Variants in TNN observed in about 807,000 individuals in gnomAD.
The protein encoded by TNN is tenascin N.
TNN carries 122 observed loss-of-function variants against 134.4 expected under a neutral mutation model. The observed-to-expected ratio is 0.91, with a 90% CI of 0.78 to 1.06. TNN has a LOEUF of 1.06. TNN is among the 50% of genes least tolerant of loss of function. The probability of loss-of-function intolerance (pLI) is 0.00; values close to 1 mark genes in which losing one functional copy is unlikely to be tolerated. For synonymous variants in TNN, 710 were observed against 670.3 expected, an observed-to-expected ratio of 1.06 and a Z score of -0.91; for missense variants, 1,739 against 1,699.4, an observed-to-expected ratio of 1.02 and a Z score of -0.41.
At chr1:175,118,977 C>CA (rs1224137390) in intron 11 of TNN, among the ~76,000 whole-genome samples, 153 bp downstream of exon 11, 2 of 152,052 alleles carry the variant, frequency 1.3e-5, no homozygotes, top group Non-Finnish European at 2.9e-5. Flanking sequence ...AAAACAAAAA[C>CA]AAAAAACAAA....
At chr1:175,080,814 C>G (rs11586922) in intron 4 of TNN, among the ~76,000 whole-genome samples, 83,352 of 151,918 alleles carry the variant, frequency 0.55, 23,443 homozygotes, top group African/African-American at 0.69. Flanking sequence ...GATTCATCTT[C>G]GTGGGAAAGA....
In TNN at chr1:175,128,074, G is replaced by A; in HGVS notation, c.3088G>A (p.Gly1030Ser). ...GGAAGACCAGAGGTTTGCGTTGCAA[G>A]GCCTTGAGCAAGGCGCCACCTACCC... ...GREDQRFALQ[G>S]LEQGATYPVS... The change falls in exon 14 of 19, where the codon GGC (glycine) becomes AGC (serine). Residue 1030 changes from glycine (G) to serine (S), a missense_variant. Physicochemically the swap from Gly to Ser is moderately conservative, Grantham distance 56. Coordinates refer to ENST00000239462, the MANE Select transcript of TNN (RefSeq NM_022093.2). 6 of 1,614,150 alleles carry A rather than the reference G, an allele frequency of 3.7e-6. No homozygotes were observed. Among genetic ancestry groups the A allele is most frequent in the Non-Finnish European group, 5.1e-6 (6 of 1,180,026 alleles).
At chr1:175,098,072 T>C (rs952340704) in intron 8 of TNN, among the ~76,000 whole-genome samples, 3 of 152,212 alleles carry the variant, frequency 2.0e-5, no homozygotes, top group African/African-American at 4.8e-5. Context: ...TGATGTGCCA[T>C]ATGCTGCTGA....
chr1:175,121,440 G>C (rs1675374104), intron 11 of TNN, among the ~76,000 whole-genome samples: 1 of 152,254 alleles, frequency 6.6e-6, no homozygotes, highest in South Asian at 2.1e-4. Context: ...GGGCAGATCA[G>C]CCAGGACCAT....
chr1:175,147,087 G>C lies in TNN; in HGVS notation c.*16G>C. The C allele has an allele frequency of 1.9e-6, 3 of 1,550,226 alleles. No homozygotes were observed. Among genetic ancestry groups the C allele is most frequent in the Non-Finnish European group, 1.7e-6 (2 of 1,143,976 alleles). ...AACGTTCTGATGGCCCGTGTGAGCA[G>C]TCCTCGCAGGAGACACCACCAGCTG... On this transcript the variant is annotated 3_prime_UTR_variant, in exon 19 of 19. Coordinates refer to ENST00000239462, the MANE Select transcript of TNN (RefSeq NM_022093.2).
intron 15 of TNN, among the ~76,000 whole-genome samples, chr1:175,130,396 A>G (rs1250405392): frequency 6.6e-6 from 1 of 152,238 alleles, no homozygotes; most frequent in Non-Finnish European, 1.5e-5. Flanking sequence ...CGATTGATTT[A>G]TAAAAACAAC....
chr1:175,113,842 G>A (rs932934945), intron 9 of TNN, among the ~76,000 whole-genome samples: 1 of 151,792 alleles, frequency 6.6e-6, no homozygotes, highest in African/African-American at 2.4e-5. Flanking sequence ...GATCAAGTCT[G>A]CTGTGGAAGC....
intron 8 of TNN, 33 bp downstream of exon 8, chr1:175,097,716 GT>G (rs755924668): frequency 2.5e-6 from 4 of 1,612,748 alleles, no homozygotes; most frequent in Non-Finnish European, 2.5e-6. Context: ...TTGGAATTGA[GT>G]TTTAGCTTGT....
At position 175,144,386 on chromosome 1, in the gene TNN, G is replaced by C. The variant is rs777248205; in HGVS notation, c.3596-1G>C. 1 of 1,613,682 alleles carries C rather than the reference G, an allele frequency of 6.2e-7. No individual in the cohort carries two copies. On this transcript the variant is annotated splice_acceptor_variant, in intron 17 of 18. Transcript: ENST00000239462. LOFTEE classifies it high-confidence loss of function. ...TCGCCTCCGTCTCTTCTCTCCTGCA[G>C]GGGATGCTCTTACTTACCACAATGG...
In TNN at chr1:175,128,167, A is replaced by T. The variant is rs771663117; in HGVS notation, c.3178+3A>T. ...TGTATCCACCACCCTCTCCACAGGT[A>T]ATATGGAATCCTGTACTCTGAACGA... On this transcript the variant is annotated splice_donor_region_variant and intron_variant, in intron 14 of 18. Transcript: ENST00000239462. 1.7e-5 allele frequency: 27 copies of T among 1,598,006 alleles called. No individual in the cohort carries two copies. The Admixed American group carries it at 2.6e-4, about 15-fold the overall frequency.
At chr1:175,090,460 T>G (rs1431659014) in intron 6 of TNN, among the ~76,000 whole-genome samples, 2 of 152,034 alleles carry the variant, frequency 1.3e-5, no homozygotes, top group Non-Finnish European at 2.9e-5. Context: ...CCCCGTGTCT[T>G]CCTCCCCCAA....
chr1:175,133,255 C>T (rs1394060288), intron 15 of TNN, among the ~76,000 whole-genome samples: 1 of 152,190 alleles, frequency 6.6e-6, no homozygotes. Context: ...ACTGGAACTG[C>T]CTTCCTTCTC....
chr1:175,090,114 A>G (rs1176667632), intron 6 of TNN, among the ~76,000 whole-genome samples: 1 of 152,234 alleles, frequency 6.6e-6, no homozygotes, highest in Non-Finnish European at 1.5e-5. Flanking sequence ...TAGGATTGTA[A>G]GCATTATTAT....
intron 13 of TNN, 128 bp from the exon 14 acceptor site, chr1:175,127,904 C>T (rs1468986673): frequency 3.1e-5 from 36 of 1,157,454 alleles, no homozygotes; most frequent in Non-Finnish European, 4.0e-5. Context: ...ACTGAGGCTT[C>T]GGAGAGACAA....
rs1237603126 is a variant in TNN at position 175,092,554 on chromosome 1, TTTATTA to T, written c.1325-1426_1325-1421del. On this transcript the variant is annotated intron_variant, in intron 6 of 18. Coordinates refer to ENST00000239462, the MANE Select transcript of TNN (RefSeq NM_022093.2). ...AGTTCACACTTTACTTTATTTATAA[TTTATTA>T]TTATTATTAGTTGCAAAGGAAAATG... is the stretch of plus-strand genomic sequence containing the variant. 1.1e-4 allele frequency among the ~76,000 whole-genome samples: 16 copies of T among 152,308 alleles called. No homozygotes were observed. In the East Asian group the frequency reaches 2.9e-3, roughly 28 times the overall value.
intron 10 of TNN, 38 bp downstream of exon 10, chr1:175,117,243 A>G: frequency 6.2e-7 from 1 of 1,600,378 alleles, no homozygotes; most frequent in Non-Finnish European, 8.5e-7. Context: ...AAGAGCTTTC[A>G]TGCTAAGTCA....
At chr1:175,073,274 C>T (rs1673961487) in intron 1 of TNN, among the ~76,000 whole-genome samples, 2 of 152,110 alleles carry the variant, frequency 1.3e-5, no homozygotes, top group Non-Finnish European at 2.9e-5. Context: ...GCCACTGAGC[C>T]TCAGTTCCTA....
At chr1:175,069,892 C>T (rs1673879065) in intron 1 of TNN, among the ~76,000 whole-genome samples, 2 of 152,188 alleles carry the variant, frequency 1.3e-5, no homozygotes, top group African/African-American at 4.8e-5. Flanking sequence ...AAAGTTACTT[C>T]AATATGTGGA....
At chr1:175,096,682 TAAC>T (rs1176417395) in intron 7 of TNN, among the ~76,000 whole-genome samples, 7 of 152,228 alleles carry the variant, frequency 4.6e-5, no homozygotes, top group Admixed American at 1.3e-4. Flanking sequence ...CCATTAATAA[TAAC>T]AACTTATATT....
Sources: gnomAD v4.1 joint callset for allele counts (sites outside exome capture counted in the v4.1 genomes callset) on GRCh38, gnomAD v4.1.1 for gene constraint, MANE v1.5 for transcripts, NCBI Gene and HGNC (gene_info 2026-07-23, HGNC 2026-07-21) for gene names.